The following PPARD variants were observed in gnomAD, a reference collection of about 807,000 sequenced individuals.
PPARD encodes the protein peroxisome proliferator-activated receptor delta.
In PPARD, 6 loss-of-function variants were observed where a neutral mutation model predicts 39.5. That is an observed-to-expected ratio of 0.15 (90% CI 0.08 to 0.30). The LOEUF (loss-of-function observed/expected upper bound fraction) is 0.30, where lower values mean the gene tolerates loss of function less well. Among genes scored for constraint, PPARD ranks in the 10% least tolerant of loss-of-function variants. The probability of loss-of-function intolerance (pLI) is 1.00; values close to 1 mark genes in which losing one functional copy is unlikely to be tolerated. For missense variants in PPARD, 397 were observed against 596.8 expected (o/e 0.67, Z 3.49); for synonymous variants, 210 against 231.3 (o/e 0.91, Z 0.83).
chr6:35,423,054 CAAAAAAAA>C (rs56317397), intron 5 of PPARD, among the ~76,000 whole-genome samples: 28 of 71,718 alleles, frequency 3.9e-4, no homozygotes, highest in South Asian at 1.1e-3. Flanking sequence ...CTCATCTCTA[CAAAAAAAA>C]AAAAAAAAAA....
intron 2 of PPARD, among the ~76,000 whole-genome samples, chr6:35,407,186 C>T (rs1007336765): frequency 2.0e-5 from 3 of 152,212 alleles, no homozygotes; most frequent in Non-Finnish European, 2.9e-5. Flanking sequence ...GCTTTTCCTC[C>T]TCTGTTACTG....
rs932368449 is a variant in PPARD at position 35,426,295 on chromosome 6, C to G, written c.*216C>G. On this transcript the variant is annotated 3_prime_UTR_variant, in exon 8 of 8. Coordinates refer to ENST00000360694, the MANE Select transcript of PPARD (RefSeq NM_006238.5). Reference sequence around the variant, plus strand: ...CTCTTCCTGTCTTTGTTGTCTCCCTCTTTCTCAGTTCCTCTTTCTTTTCTA... The same window carrying G: ...CTCTTCCTGTCTTTGTTGTCTCCCTGTTTCTCAGTTCCTCTTTCTTTTCTA... 9.9e-6 allele frequency: 6 copies of G among 606,216 alleles called. No individual in the cohort carries two copies. Among genetic ancestry groups the G allele is most frequent in the African/African-American group, 3.7e-5 (2 of 53,848 alleles). The allele number at this position is 606,216 out of a possible 1,614,324, so 37.6% of individuals were successfully genotyped here. A position where few individuals can be genotyped will look rare whatever the true frequency, so the allele number is the denominator to read the frequency against.
At chr6:35,422,576 C>T (rs1766247384) in intron 5 of PPARD, among the ~76,000 whole-genome samples, 1 of 152,168 alleles carries the variant, frequency 6.6e-6, no homozygotes, top group African/African-American at 2.4e-5. Flanking sequence ...CCCTAGAGGA[C>T]AGGGGAGAGC....
intron 2 of PPARD, among the ~76,000 whole-genome samples, chr6:35,408,644 G>A (rs963082138): frequency 2.0e-5 from 3 of 152,242 alleles, no homozygotes; most frequent in African/African-American, 7.2e-5. Flanking sequence ...GAGACCATGC[G>A]AGTGGGCAGC....
At chr6:35,392,601 T>C (rs1764075137) in intron 2 of PPARD, among the ~76,000 whole-genome samples, 1 of 151,952 alleles carries the variant, frequency 6.6e-6, no homozygotes, top group Non-Finnish European at 1.5e-5. Flanking sequence ...GAAGCATTAA[T>C]GGGGGAAAGG....
At chr6:35,347,860 C>T (rs9368860) in intron 2 of PPARD, among the ~76,000 whole-genome samples, 6,437 of 151,252 alleles carry the variant, frequency 0.043, 356 homozygotes, top group East Asian at 0.3. Flanking sequence ...CCGCCCGCCT[C>T]AGCCTCCCAA....
intron 3 of PPARD, among the ~76,000 whole-genome samples, chr6:35,416,673 C>T (rs1425172523): frequency 4.6e-5 from 7 of 152,126 alleles, no homozygotes; most frequent in Non-Finnish European, 7.4e-5. Flanking sequence ...CATCATGATG[C>T]GGGGGAAGTG....
At chr6:35,380,973 C>A (rs1342729478) in intron 2 of PPARD, among the ~76,000 whole-genome samples, 1 of 152,184 alleles carries the variant, frequency 6.6e-6, no homozygotes, top group African/African-American at 2.4e-5. Context: ...ACCGCTCCAT[C>A]TCTCCAGGGT....
intron 2 of PPARD, among the ~76,000 whole-genome samples, chr6:35,368,248 A>G (rs745618539): frequency 6.6e-6 from 1 of 152,210 alleles, no homozygotes; most frequent in South Asian, 2.1e-4. Context: ...GCTTCCCCCA[A>G]GCTTCAGCAG....
intron 2 of PPARD, among the ~76,000 whole-genome samples, chr6:35,368,037 C>T (rs1762297087): frequency 6.6e-6 from 1 of 152,232 alleles, no homozygotes; most frequent in Non-Finnish European, 1.5e-5. Context: ...TCTGTCATGC[C>T]ATACTGCATC....
chr6:35,423,681 T>C (rs1036242233), intron 5 of PPARD, among the ~76,000 whole-genome samples: 1 of 151,948 alleles, frequency 6.6e-6, no homozygotes, highest in Non-Finnish European at 1.5e-5. Context: ...CTCAGTAAGT[T>C]AGAGTCCTTG....
chr6:35,421,447 CCT>C (rs2150841432), intron 4 of PPARD, among the ~76,000 whole-genome samples: 1 of 152,156 alleles, frequency 6.6e-6, no homozygotes, highest in South Asian at 2.1e-4. Context: ...AAGCGATTCC[CCT>C]GCCTCAGCCT....
intron 2 of PPARD, among the ~76,000 whole-genome samples, chr6:35,404,422 G>A (rs1344370217): frequency 6.6e-6 from 1 of 152,204 alleles, no homozygotes; most frequent in Non-Finnish European, 1.5e-5. Flanking sequence ...ATCCAGCTTA[G>A]GCTCTGGTAC....
chr6:35,396,455 C>T (rs868512868), intron 2 of PPARD, among the ~76,000 whole-genome samples: 4 of 150,272 alleles, frequency 2.7e-5, no homozygotes, highest in Non-Finnish European at 3.0e-5. Flanking sequence ...CCACACACCT[C>T]GGCCTCCCAA....
chr6:35,419,446 C>G (rs1023446056), intron 3 of PPARD, among the ~76,000 whole-genome samples: 1 of 152,188 alleles, frequency 6.6e-6, no homozygotes, highest in South Asian at 2.1e-4. Flanking sequence ...ACTCAACACC[C>G]CGTGGTTCAA....
At position 35,342,645 on chromosome 6, in the gene PPARD, G is replaced by A. The variant is rs907049863; in HGVS notation, c.-222G>A. On this transcript the variant is annotated 5_prime_UTR_variant, in exon 1 of 8. Coordinates refer to ENST00000360694, the MANE Select transcript of PPARD (RefSeq NM_006238.5). ...AGCGGGAGAATTCTGCGGAGCCTGC[G>A]GGACGGCGGCGGTGGCGCCGTAGGC... 1 of 152,868 alleles carries A rather than the reference G, an allele frequency of 6.5e-6. No homozygotes were observed. Among genetic ancestry groups the A allele is most frequent in the Admixed American group, 6.5e-5 (1 of 15,296 alleles). 9.5% of individuals were successfully genotyped at this position (152,868 alleles called of 1,614,324 possible).
At chr6:35,422,046 G>C in intron 5 of PPARD, 88 bp downstream of exon 5, 1 of 1,451,422 alleles carries the variant, frequency 6.9e-7, no homozygotes, top group Non-Finnish European at 9.1e-7. Flanking sequence ...AGCCTAGAGG[G>C]GGCACCTGTA....
chr6:35,410,012 G>A (rs1281680215), intron 2 of PPARD, among the ~76,000 whole-genome samples: 1 of 152,186 alleles, frequency 6.6e-6, no homozygotes, highest in Non-Finnish European at 1.5e-5. Context: ...GATCACTCCA[G>A]GTTCTGGTTC....
At position 35,424,885 on chromosome 6, in the gene PPARD, G is replaced by A. The variant is rs184108012; in HGVS notation, c.1078+106G>A. 1.1e-4 allele frequency: 161 copies of A among 1,489,902 alleles called. No individual in the cohort carries two copies. The African/African-American group carries it at 1.8e-3, about 17-fold the overall frequency. 92.3% of individuals were successfully genotyped at this position (1,489,902 alleles called of 1,614,324 possible). ...CTGAGCTCTGACAGTGTGGGGAAGTGTCCCTGTGATCTTGGCAGTGGAACA... is the reference window on the plus strand; with the variant it reads ...CTGAGCTCTGACAGTGTGGGGAAGTATCCCTGTGATCTTGGCAGTGGAACA... On this transcript the variant is annotated intron_variant, in intron 7 of 7. Transcript: ENST00000360694. The surrounding 1 kb of genome is among the most constrained non-coding windows in gnomAD (Gnocchi z 7.1).
Sources: gnomAD v4.1 joint callset for allele counts (sites outside exome capture counted in the v4.1 genomes callset) on GRCh38, gnomAD v4.1.1 for gene constraint, Gnocchi (gnomAD v3.1) non-coding constraint, MANE v1.5 for transcripts, NCBI Gene and HGNC (gene_info 2026-07-23, HGNC 2026-07-21) for gene names.